The following CFAP54 variants were observed in gnomAD, a reference collection of about 807,000 sequenced individuals.
CFAP54 encodes the protein cilia- and flagella-associated protein 54.
A neutral mutation model predicts 370.4 loss-of-function variants in CFAP54; 290 were observed. That is an observed-to-expected ratio of 0.78 (90% CI 0.71 to 0.86). The LOEUF (loss-of-function observed/expected upper bound fraction) is 0.86. Ranked by LOEUF, CFAP54 falls within the 40% of genes least tolerant of loss-of-function variation. CFAP54 has a pLI of 0.00. For synonymous variants in CFAP54, 1,206 were observed against 1,236.5 expected (o/e 0.98, Z 0.52); for missense variants, 3,399 against 3,528.7 (o/e 0.96, Z 0.93).
intron 55 of CFAP54, among the ~76,000 whole-genome samples, chr12:96,752,085 T>TGTGAGAGAGAGAGAGA (rs1555318322): frequency 1.1e-5 from 1 of 90,568 alleles, no homozygotes; most frequent in African/African-American, 3.9e-5. Context: ...TCTTCCTGGA[T>TGTGAGAGAGAGAGAGA]GAGAGAGAGA....
intron 19 of CFAP54, chr12:96,565,101 A>G (rs1356368331): frequency 6.2e-6 from 1 of 160,078 alleles, no homozygotes; most frequent in Non-Finnish European, 1.4e-5. Flanking sequence ...CTTAAAGTCC[A>G]TTGGCTGAGG....
rs1445698210 is a variant in CFAP54 at position 96,647,940 on chromosome 12, A to G, written c.4613A>G (p.Lys1538Arg). The G allele has an allele frequency of 4.6e-6, 7 of 1,522,178 alleles. No homozygotes were observed. The highest frequency in any genetic ancestry group is 6.1e-6 in the Non-Finnish European group (7 of 1,142,502). 94.3% of individuals were successfully genotyped at this position (1,522,178 alleles called of 1,614,324 possible). ...YNSGTVLPTR[K>R]LTVENYKAML... ...TCAGGAACAGTATTACCAACAAGAAAATTGACTGTAGAAAATTATAAAGCA... is the reference window on the plus strand; with the variant it reads ...TCAGGAACAGTATTACCAACAAGAAGATTGACTGTAGAAAATTATAAAGCA... The change falls in exon 34 of 68, where the codon AAA becomes AGA. Residue 1538 changes from lysine (K) to arginine (R), a missense_variant. Physicochemically the swap from Lys to Arg is conservative, Grantham distance 26 (BLOSUM62 2). This residue lies in a region of CFAP54 where 2,796 missense variants were observed against 2,869.7 expected (regional missense o/e 0.97). Coordinates refer to ENST00000524981, the MANE Select transcript of CFAP54 (RefSeq NM_001306084.2).
intron 60 of CFAP54, among the ~76,000 whole-genome samples, chr12:96,778,039 G>A (rs1958538391): frequency 6.6e-6 from 1 of 152,138 alleles, no homozygotes; most frequent in Admixed American, 6.5e-5. Context: ...AGGTAATCTA[G>A]GCATGCTTCT....
chr12:96,844,227 G>A (rs1357724378), intron 66 of CFAP54, among the ~76,000 whole-genome samples: 1 of 152,066 alleles, frequency 6.6e-6, no homozygotes. Context: ...ATGGGGAGAG[G>A]GGCAGATGAT....
intron 42 of CFAP54, among the ~76,000 whole-genome samples, 195 bp from the exon 43 acceptor site, chr12:96,688,721 A>C (rs1042931488): frequency 3.9e-5 from 6 of 152,160 alleles, no homozygotes; most frequent in Non-Finnish European, 8.8e-5. Context: ...TGTTACTAGT[A>C]ATCATATTTA....
chr12:96,677,438 G>C (rs1035904931), intron 39 of CFAP54, among the ~76,000 whole-genome samples: 38 of 152,170 alleles, frequency 2.5e-4, no homozygotes, highest in Admixed American at 1.2e-3. Flanking sequence ...AAAGATAAAA[G>C]CCAAGCTCAT....
chr12:96,495,598 G>A (rs1954943434), intron 1 of CFAP54, among the ~76,000 whole-genome samples: 1 of 151,960 alleles, frequency 6.6e-6, no homozygotes, highest in Non-Finnish European at 1.5e-5. Flanking sequence ...TGGGATTACA[G>A]GCATGAGCCA....
At chr12:96,759,158 T>G (rs1013875394) in intron 58 of CFAP54, among the ~76,000 whole-genome samples, 1 of 151,950 alleles carries the variant, frequency 6.6e-6, no homozygotes, top group Non-Finnish European at 1.5e-5. Flanking sequence ...TTCTTACCAA[T>G]TATTCATATG....
At chr12:96,709,515 T>C (rs1957586108) in intron 48 of CFAP54, among the ~76,000 whole-genome samples, 1 of 152,122 alleles carries the variant, frequency 6.6e-6, no homozygotes. Flanking sequence ...TCTCTTCTAT[T>C]CTTAGTTTGT....
At chr12:96,560,810 C>T (rs1051962010) in intron 17 of CFAP54, among the ~76,000 whole-genome samples, 1 of 152,178 alleles carries the variant, frequency 6.6e-6, no homozygotes, top group African/African-American at 2.4e-5. Context: ...ATATCCTGTT[C>T]CCCAACAGAC....
chr12:96,652,508 G>A (rs2136505208), intron 36 of CFAP54, among the ~76,000 whole-genome samples: 1 of 152,238 alleles, frequency 6.6e-6, no homozygotes, highest in East Asian at 1.9e-4. Flanking sequence ...AGACATAGCT[G>A]AAAAGTCAAC....
Position 96,547,885 on chromosome 12 carries a change from C to T in CFAP54, c.2078-17C>T, listed in dbSNP as rs1165823671. On this transcript the variant is annotated splice_polypyrimidine_tract_variant and intron_variant, in intron 14 of 67. Transcript: ENST00000524981. ...CCCTCCATCCTTCATTCCCTTCCTCCTTCCTTTCTTTTCCAGATGTACCTT... is the reference window on the plus strand; with the variant it reads ...CCCTCCATCCTTCATTCCCTTCCTCTTTCCTTTCTTTTCCAGATGTACCTT... The T allele has an allele frequency of 1.5e-6, 2 of 1,376,060 alleles. No homozygotes were observed. The highest frequency in any genetic ancestry group is 2.6e-5 in the East Asian group (1 of 37,808). 85.2% of individuals were successfully genotyped at this position (1,376,060 alleles called of 1,614,324 possible).
At chr12:96,836,123 A>T (rs1260071172) in intron 66 of CFAP54, among the ~76,000 whole-genome samples, 1 of 152,154 alleles carries the variant, frequency 6.6e-6, no homozygotes, top group African/African-American at 2.4e-5. Context: ...GTGGAAAAAG[A>T]TGTAAGTTTG....
chr12:96,706,542 C>G (rs1295442748), intron 47 of CFAP54, among the ~76,000 whole-genome samples: 2 of 152,060 alleles, frequency 1.3e-5, no homozygotes, highest in Admixed American at 1.3e-4. Context: ...GAGATAAGGT[C>G]AGAGAGGTCA....
intron 40 of CFAP54, among the ~76,000 whole-genome samples, chr12:96,682,531 A>G (rs1341616133): frequency 6.6e-6 from 1 of 151,882 alleles, no homozygotes; most frequent in Non-Finnish European, 1.5e-5. Flanking sequence ...TCACACCACC[A>G]CACCTGACTA....
intron 48 of CFAP54, 119 bp downstream of exon 48, chr12:96,708,922 T>C: frequency 1.3e-6 from 1 of 771,924 alleles, no homozygotes; most frequent in Non-Finnish European, 2.0e-6. Flanking sequence ...TTCTCTATGC[T>C]TATATAATGA....
intron 66 of CFAP54, among the ~76,000 whole-genome samples, chr12:96,858,195 C>T (rs1959766288): frequency 6.6e-6 from 1 of 152,110 alleles, no homozygotes; most frequent in South Asian, 2.1e-4. Context: ...TTTAATATAA[C>T]AGGTGTGAGA....
In CFAP54 at chr12:96,594,330, T is replaced by A. The variant is rs1344053967; in HGVS notation, c.3400T>A (p.Leu1134Met). Residue 1134 changes from leucine (L) to methionine (M), a missense_variant, in exon 25 of 68, where the codon TTG becomes ATG. Physicochemically the swap from Leu to Met is conservative, Grantham distance 15 (BLOSUM62 2). Coordinates refer to ENST00000524981, the MANE Select transcript of CFAP54 (RefSeq NM_001306084.2). ...LIECERVLVALELSNFLNDSS... is the reference protein window; with the variant it reads ...LIECERVLVAMELSNFLNDSS... ...TGAATGTGAGAGAGTATTAGTGGCA[T>A]TGGAACTTAGCAACTTCCTAAATGA... 6.5e-7 allele frequency: 1 copy of A among 1,535,022 alleles called. No individual in the cohort carries two copies. The highest frequency in any genetic ancestry group is 2.0e-5 in the Admixed American group (1 of 50,978).
intron 50 of CFAP54, among the ~76,000 whole-genome samples, chr12:96,730,813 A>G (rs934798038): frequency 6.6e-6 from 1 of 152,234 alleles, no homozygotes; most frequent in African/African-American, 2.4e-5. Flanking sequence ...TAATCATCTC[A>G]TCAGTATAAG....
Sources: gnomAD v4.1 joint callset for allele counts (sites outside exome capture counted in the v4.1 genomes callset) on GRCh38, gnomAD v4.1.1 for gene constraint, gnomAD v4.1.1 regional missense constraint, MANE v1.5 for transcripts, NCBI Gene and HGNC (gene_info 2026-07-23, HGNC 2026-07-21) for gene names.